The following ALAS2 variants were observed in gnomAD, a reference collection of about 807,000 sequenced individuals.
ALAS2 encodes the protein 5-aminolevulinate synthase, erythroid-specific, mitochondrial.
ALAS2 carries 3 observed loss-of-function variants against 33.7 expected under a neutral mutation model. The ratio of observed to expected loss-of-function variants is 0.09; its 90% CI spans 0.04 to 0.23. ALAS2 has a LOEUF of 0.23. Ranked by LOEUF, ALAS2 falls within the 10% of genes least tolerant of loss-of-function variation. ALAS2 has a pLI of 1.00. For missense variants in ALAS2, 304 were observed against 475.1 expected (o/e 0.64, Z 3.35); for synonymous variants, 191 against 177.3 (o/e 1.08, Z -0.61).
In ALAS2 at chrX:55,022,027, G is replaced by A. The variant is rs760248608; in HGVS notation, c.416-753C>T. 6.3e-5 allele frequency among the ~76,000 whole-genome samples: 7 copies of A among 111,981 alleles called. No homozygotes were observed. In the East Asian group the frequency reaches 2.0e-3, roughly 31 times the overall value. On this transcript the variant is annotated intron_variant, in intron 4 of 10. Coordinates refer to ENST00000650242, the MANE Select transcript of ALAS2 (RefSeq NM_000032.5). ...ATTAAGTGTTAGACAACTTGACCAGGGTCATGCAGCAAGTAAGTGTTCATC... is the reference window on the plus strand; with the variant it reads ...ATTAAGTGTTAGACAACTTGACCAGAGTCATGCAGCAAGTAAGTGTTCATC...
chrX:55,030,545 T>C (rs765239660), intron 1 of ALAS2, among the ~76,000 whole-genome samples: 1 of 109,184 alleles, frequency 9.2e-6, no homozygotes, highest in Non-Finnish European at 1.9e-5. Flanking sequence ...TCGTTCTTGA[T>C]AGAGAGGAAG....
intron 1 of ALAS2, chrX:55,027,892 G>T (rs1471101141): frequency 2.8e-5 from 23 of 830,990 alleles, no homozygotes; most frequent in Middle Eastern, 2.7e-4. Flanking sequence ...TTGTTGGAGG[G>T]ACTAAATGAA....
In ALAS2 at chrX:55,010,314, T is replaced by G. The variant is rs1935580535; in HGVS notation, c.1601-971A>C. On this transcript the variant is annotated intron_variant, in intron 10 of 10. Transcript: ENST00000650242. ...ACCCTTGCTCCCTTTTAGTGTATTCTCTACATAGAAGTTGGAGCAATTTTG... is the reference window on the plus strand; with the variant it reads ...ACCCTTGCTCCCTTTTAGTGTATTCGCTACATAGAAGTTGGAGCAATTTTG... 4.5e-5 allele frequency among the ~76,000 whole-genome samples: 5 copies of G among 111,626 alleles called. No homozygotes were observed. The Admixed American group carries it at 4.8e-4, about 11-fold the overall frequency.
Position 55,020,486 on chromosome X carries a change from A to G in ALAS2, c.657T>C (p.His219=), listed in dbSNP as rs1342554223. ...LQATQETLQR[H]GAGAGGTRNI... ...TGCGGGTGCCACCAGCTCCAGCACC[A>G]TGACGCTGCAGGGTCTCCCTGGCCA... The change falls in exon 6 of 11, where the codon CAT becomes CAC. Residue 219 remains histidine, a synonymous_variant. Transcript: ENST00000650242. The G allele has an allele frequency of 8.5e-7, 1 of 1,177,853 alleles. No individual in the cohort carries two copies. The highest frequency in any genetic ancestry group is 1.1e-6 in the Non-Finnish European group (1 of 878,424).
At chrX:55,024,619 G>A (rs1179614407) in intron 3 of ALAS2, 99 bp downstream of exon 3, 4 of 1,102,064 alleles carry the variant, frequency 3.6e-6, no homozygotes, top group Non-Finnish European at 5.0e-6. Flanking sequence ...ATCATGGGAT[G>A]TGTACTGGCT....
intron 4 of ALAS2, among the ~76,000 whole-genome samples, chrX:55,022,927 A>G (rs892610366): frequency 1.8e-5 from 2 of 112,081 alleles, no homozygotes; most frequent in Non-Finnish European, 3.8e-5. Context: ...AGATATTATT[A>G]GGTAAAAATA....
Position 55,015,633 on chromosome X carries a change from C to T in ALAS2, c.1113G>A (p.Gly371=). The change falls in exon 8 of 11, where the codon GGG becomes GGA. Residue 371 remains glycine (G), a synonymous_variant. Transcript: ENST00000650242. ...GCATAATTCCATCACGCTCCCCAAT[C>T]CCAGCGCCCCGGGACCCATACAGTC... ...AVGLYGSRGA[G]IGERDGIMHK... 1.7e-6 allele frequency: 2 copies of T among 1,211,572 alleles called. No individual in the cohort carries two copies. The highest frequency in any genetic ancestry group is 2.2e-6 in the Non-Finnish European group (2 of 895,484).
chrX:55,009,106 C>T lies in ALAS2; in HGVS notation c.*74G>A. 7 of 1,140,741 alleles carry T rather than the reference C, an allele frequency of 6.1e-6. No homozygotes were observed. The South Asian group carries it at 1.3e-4, about 22-fold the overall frequency. 94.0% of individuals were successfully genotyped at this position (1,140,741 alleles called of 1,213,427 possible). ...GCTCAATTCAGCTAGAGGCACACAA[C>T]AAAGCAGAAGACAGGAGTAGGCCTG... On this transcript the variant is annotated 3_prime_UTR_variant, in exon 11 of 11. Transcript: ENST00000650242.
intron 10 of ALAS2, among the ~76,000 whole-genome samples, chrX:55,010,463 T>C (rs1236370827): frequency 9.0e-6 from 1 of 111,385 alleles, no homozygotes; most frequent in Admixed American, 9.5e-5. Flanking sequence ...ATTGCCTCTA[T>C]GTACTCAATT....
intron 10 of ALAS2, among the ~76,000 whole-genome samples, chrX:55,010,814 C>A (rs368460997): frequency 2.3e-4 from 26 of 111,702 alleles, no homozygotes; most frequent in Admixed American, 1.3e-3. Context: ...TTTTTTACTA[C>A]CCCTTCCACT....
chrX:55,009,362 G>C lies in ALAS2; in HGVS notation c.1601-19C>G. 2.5e-6 allele frequency: 3 copies of C among 1,185,042 alleles called. No homozygotes were observed. The highest frequency in any genetic ancestry group is 3.4e-6 in the Non-Finnish European group (3 of 881,819). On this transcript the variant is annotated intron_variant, in intron 10 of 10. Transcript: ENST00000650242. ...AGCTTCTCTGAAGGTGGTAGGGGGAGGGGAGGGAAAAAATGGGTTAGACTA... is the reference window on the plus strand; with the variant it reads ...AGCTTCTCTGAAGGTGGTAGGGGGACGGGAGGGAAAAAATGGGTTAGACTA...
intron 10 of ALAS2, among the ~76,000 whole-genome samples, chrX:55,010,349 G>A (rs1171729126): frequency 9.0e-6 from 1 of 111,153 alleles, no homozygotes; most frequent in Non-Finnish European, 1.9e-5. Context: ...GTTAAAACCC[G>A]AGTCAGAAAT....
chrX:55,009,487 G>T, intron 10 of ALAS2, 144 bp from the exon 11 acceptor site: 1 of 546,118 alleles, frequency 1.8e-6, no homozygotes, highest in Non-Finnish European at 2.9e-6. Flanking sequence ...GTTTGCTTCT[G>T]TGTGTGCCGT....
intron 10 of ALAS2, among the ~76,000 whole-genome samples, chrX:55,012,595 T>A (rs1376866603): frequency 8.9e-6 from 1 of 112,097 alleles, no homozygotes; most frequent in Non-Finnish European, 1.9e-5. Context: ...GAGACTAGCC[T>A]GGCCAACATG....
At chrX:55,026,595 G>T (rs1336084015) in intron 1 of ALAS2, among the ~76,000 whole-genome samples, 3 of 111,706 alleles carry the variant, frequency 2.7e-5, no homozygotes, top group Non-Finnish European at 5.6e-5. Flanking sequence ...CCTACAGAAT[G>T]TGTACCACCA....
chrX:55,013,416 C>T (rs1935636958), intron 10 of ALAS2, 70 bp downstream of exon 10: 9 of 1,095,007 alleles, frequency 8.2e-6, no homozygotes, highest in Non-Finnish European at 1.1e-5. Flanking sequence ...TCTCTGTCCT[C>T]TCAGCTTCTC....
At chrX:55,012,057 A>G (rs1935609918) in intron 10 of ALAS2, among the ~76,000 whole-genome samples, 1 of 112,077 alleles carries the variant, frequency 8.9e-6, no homozygotes, top group Admixed American at 9.4e-5. Context: ...GGCACATGGT[A>G]AGTACTTAAT....
chrX:55,023,631 A>T, intron 4 of ALAS2, 126 bp downstream of exon 4: 3 of 588,920 alleles, frequency 5.1e-6, no homozygotes, highest in Non-Finnish European at 8.3e-6. Context: ...TGCCAGCATT[A>T]AATTTTAAAC....
chrX:55,021,384 A>T, intron 4 of ALAS2, 110 bp from the exon 5 acceptor site: 1 of 618,691 alleles, frequency 1.6e-6, no homozygotes, highest in Admixed American at 2.5e-5. Context: ...TTTTCCACAT[A>T]TTCATTTATT....
Sources: allele counts gnomAD v4.1 joint callset (sites outside exome capture counted in the v4.1 genomes callset), GRCh38; gene constraint gnomAD v4.1.1; transcripts MANE v1.5; gene names NCBI Gene and HGNC (gene_info 2026-07-23, HGNC 2026-07-21).